THRB: variants seen among roughly 807,000 people sequenced by gnomAD.
The protein encoded by THRB is thyroid hormone receptor beta, also known as nuclear receptor subfamily 1 group A member 2.
A neutral mutation model predicts 47.8 loss-of-function variants in THRB; 12 were observed. That is an observed-to-expected ratio of 0.25 (90% CI 0.16 to 0.41). The LOEUF (loss-of-function observed/expected upper bound fraction) is 0.41, where lower values mean the gene tolerates loss of function less well. Among genes scored for constraint, THRB ranks in the 10% least tolerant of loss-of-function variants. The probability of loss-of-function intolerance (pLI) is 1.00; values close to 1 mark genes in which losing one functional copy is unlikely to be tolerated. For synonymous variants in THRB, 218 were observed against 212.2 expected, an observed-to-expected ratio of 1.03 and a Z score of -0.24; for missense variants, 348 against 589.2, an observed-to-expected ratio of 0.59 and a Z score of 4.24.
chr3:24,325,860 C>T (rs909637723), intron 2 of THRB, among the ~76,000 whole-genome samples: 3 of 152,074 alleles, frequency 2.0e-5, no homozygotes. Flanking sequence ...TAGCAACAGT[C>T]CAGAAATGAT....
At chr3:24,311,292 T>C (rs1320117875) in intron 2 of THRB, among the ~76,000 whole-genome samples, 1 of 152,180 alleles carries the variant, frequency 6.6e-6, no homozygotes, top group Admixed American at 6.5e-5. Context: ...TGCAGTTAAC[T>C]AGAAGATGCA....
intron 3 of THRB, among the ~76,000 whole-genome samples, chr3:24,242,283 T>A (rs2049613834): frequency 6.6e-6 from 1 of 152,238 alleles, no homozygotes; most frequent in Admixed American, 6.5e-5. Flanking sequence ...GAAGGGCATT[T>A]CTGCATGATT....
intron 3 of THRB, among the ~76,000 whole-genome samples, chr3:24,283,001 G>A (rs1183013556): frequency 4.6e-5 from 7 of 151,636 alleles, no homozygotes; most frequent in Non-Finnish European, 1.0e-4. Context: ...TTCTACCAGA[G>A]GTACAAGGAG....
At chr3:24,451,160 C>T (rs2072609329) in intron 1 of THRB, among the ~76,000 whole-genome samples, 1 of 150,684 alleles carries the variant, frequency 6.6e-6, no homozygotes, top group African/African-American at 2.4e-5. Flanking sequence ...TCTAAATTAC[C>T]AAATATTTCA....
chr3:24,291,393 G>A (rs1288044833), intron 3 of THRB, among the ~76,000 whole-genome samples: 3 of 152,114 alleles, frequency 2.0e-5, no homozygotes, highest in Non-Finnish European at 2.9e-5. Flanking sequence ...GTTTCTGTGC[G>A]CACATGAGTT....
chr3:24,202,728 A>G (rs556074818), intron 4 of THRB, among the ~76,000 whole-genome samples: 18 of 152,320 alleles, frequency 1.2e-4, no homozygotes, highest in African/African-American at 3.6e-4. Context: ...ACTCACTACA[A>G]CAACATTGTG....
chr3:24,336,479 C>A (rs903433910), intron 2 of THRB, among the ~76,000 whole-genome samples: 3 of 152,186 alleles, frequency 2.0e-5, no homozygotes, highest in Non-Finnish European at 2.9e-5. Context: ...ATAATAAACA[C>A]AGAAAGGAAA....
intron 4 of THRB, among the ~76,000 whole-genome samples, chr3:24,224,041 C>T (rs1287208689): frequency 1.3e-5 from 2 of 152,098 alleles, no homozygotes; most frequent in Admixed American, 6.5e-5. Flanking sequence ...AGGGTATATA[C>T]TTAAATGGAG....
chr3:24,169,142 G>A (rs115998623), intron 5 of THRB, among the ~76,000 whole-genome samples: 2,719 of 152,154 alleles, frequency 0.018, 90 homozygotes, highest in African/African-American at 0.062. Context: ...TAATTGAACC[G>A]CTAAATTTTA....
At chr3:24,167,262 T>C (rs2039768503) in intron 5 of THRB, among the ~76,000 whole-genome samples, 1 of 152,192 alleles carries the variant, frequency 6.6e-6, no homozygotes, top group South Asian at 2.1e-4. Flanking sequence ...AGCAAAAGCA[T>C]GTTCGTCAGT....
chr3:24,364,511 T>C (rs145113777), intron 1 of THRB, among the ~76,000 whole-genome samples: 1,734 of 152,270 alleles, frequency 0.011, 37 homozygotes, highest in African/African-American at 0.038. Context: ...GGTGTTGTCA[T>C]CCCCATTTTA....
chr3:24,225,041 C>CA (rs528165436), intron 4 of THRB, among the ~76,000 whole-genome samples: 89 of 152,270 alleles, frequency 5.8e-4, no homozygotes, highest in Admixed American at 2.0e-3. Context: ...GAGAAAAAGA[C>CA]AAAAACTACA....
chr3:24,311,745 A>T (rs945967375), intron 2 of THRB, among the ~76,000 whole-genome samples: 2 of 152,098 alleles, frequency 1.3e-5, no homozygotes, highest in African/African-American at 2.4e-5. Flanking sequence ...ATGTTGGTTC[A>T]TACCAACATT....
chr3:24,389,267 A>T (rs1208098586), intron 1 of THRB, among the ~76,000 whole-genome samples: 2 of 152,186 alleles, frequency 1.3e-5, no homozygotes, highest in African/African-American at 4.8e-5. Flanking sequence ...TGGAGAACTT[A>T]GCAATGCAGA....
chr3:24,183,774 C>G (rs2042227979), intron 5 of THRB, among the ~76,000 whole-genome samples: 1 of 148,934 alleles, frequency 6.7e-6, no homozygotes, highest in South Asian at 2.1e-4. Flanking sequence ...CTGTTTAAAA[C>G]TAAATGGACT....
Position 24,367,466 on chromosome 3 carries a change from C to T in THRB, c.-260-30095G>A, listed in dbSNP as rs80275994. On this transcript the variant is annotated intron_variant, in intron 1 of 10. Coordinates refer to ENST00000646209, the MANE Select transcript of THRB (RefSeq NM_001354712.2). ...GGCTTATTTCCTCAATGGATACATA[C>T]CAACATTCAGGCTTGATATACTGGG... is the stretch of plus-strand genomic sequence containing the variant. 9.3e-4 allele frequency among the ~76,000 whole-genome samples: 141 copies of T among 152,240 alleles called. 3 individuals are homozygous for T. In the East Asian group the frequency reaches 0.021, roughly 23 times the overall value.
chr3:24,252,389 G>A (rs1488900329), intron 3 of THRB, among the ~76,000 whole-genome samples: 1 of 151,792 alleles, frequency 6.6e-6, no homozygotes, highest in Non-Finnish European at 1.5e-5. Context: ...CTAAAGATGA[G>A]ATAAACAGTA....
chr3:24,333,241 A>G (rs947774242), intron 2 of THRB, among the ~76,000 whole-genome samples: 1 of 152,236 alleles, frequency 6.6e-6, no homozygotes, highest in Non-Finnish European at 1.5e-5. Context: ...TTGGGCTTTA[A>G]CAATTGACAT....
At chr3:24,437,515 C>G (rs1015005376) in intron 1 of THRB, among the ~76,000 whole-genome samples, 4 of 152,084 alleles carry the variant, frequency 2.6e-5, no homozygotes, top group Non-Finnish European at 4.4e-5. Flanking sequence ...TTCAAAATAG[C>G]TAGAAGAGAA....
Sources: gnomAD v4.1 joint callset for allele counts (sites outside exome capture counted in the v4.1 genomes callset) on GRCh38, gnomAD v4.1.1 for gene constraint, MANE v1.5 for transcripts, NCBI Gene and HGNC (gene_info 2026-07-23, HGNC 2026-07-21) for gene names.